EPHA8: variants seen among roughly 807,000 people sequenced by gnomAD.
EPHA8 encodes the protein EPH receptor A8.
A neutral mutation model predicts 103.6 loss-of-function variants in EPHA8; 58 were observed. That is an observed-to-expected ratio of 0.56 (90% confidence interval 0.45 to 0.70). The LOEUF is 0.70. EPHA8 is among the 30% of genes least tolerant of loss of function. The probability of loss-of-function intolerance (pLI) is 0.00; values close to 1 mark genes in which losing one functional copy is unlikely to be tolerated. For synonymous variants in EPHA8, 559 were observed against 572.5 expected, an observed-to-expected ratio of 0.98 and a Z score of 0.34; for missense variants, 1,304 against 1,395.2, an observed-to-expected ratio of 0.93 and a Z score of 1.04.
chr1:22,576,790 A>G lies in EPHA8; in HGVS notation c.733A>G (p.Met245Val). ...RHSEERDTPK[M>V]YCSAEGEWLV... Reference sequence around the variant, plus strand: ...CTCAGAGGAGCGGGACACACCCAAGATGTACTGCAGCGCGGAGGGCGAGTG... The same window carrying G: ...CTCAGAGGAGCGGGACACACCCAAGGTGTACTGCAGCGCGGAGGGCGAGTG... The change falls in exon 3 of 17, where the codon ATG becomes GTG. Residue 245 changes from methionine (M) to valine (V), a missense_variant. Physicochemically the swap from Met to Val is conservative, Grantham distance 21. Transcript: ENST00000166244. This position sits in a 1 kb window ranked among gnomAD's most constrained non-coding sequence, Gnocchi z 4.8. 2 of 1,613,610 alleles carry G rather than the reference A, an allele frequency of 1.2e-6. No individual in the cohort carries two copies. Among genetic ancestry groups the G allele is most frequent in the Non-Finnish European group, 8.5e-7 (1 of 1,179,950 alleles).
In EPHA8 at chr1:22,599,057, C is replaced by G. The variant is rs556407669; in HGVS notation, c.2388+10C>G. On this transcript the variant is annotated intron_variant, in intron 13 of 16. Transcript: ENST00000166244. ...TGCCTACACCACCACGGTGCGTCGC[C>G]CACACTCCTTCCGGCTAGACTGGGG... is the stretch of plus-strand genomic sequence containing the variant. 1.3e-6 allele frequency: 2 copies of G among 1,589,320 alleles called. No individual in the cohort carries two copies. The highest frequency in any genetic ancestry group is 1.7e-6 in the Non-Finnish European group (2 of 1,168,144).
At chr1:22,573,178 T>C (rs951354763) in intron 2 of EPHA8, among the ~76,000 whole-genome samples, 1 of 152,046 alleles carries the variant, frequency 6.6e-6, no homozygotes, top group African/African-American at 2.4e-5. Context: ...CTCTTTCAGG[T>C]GAGGCTGGCG....
intron 13 of EPHA8, among the ~76,000 whole-genome samples, chr1:22,600,320 G>A (rs1314399502): frequency 6.6e-6 from 1 of 151,306 alleles, no homozygotes; most frequent in African/African-American, 2.4e-5. Flanking sequence ...AAGAAGGGAG[G>A]AAGGAAGAAG....
At chr1:22,593,907 A>G (rs903912777) in intron 7 of EPHA8, among the ~76,000 whole-genome samples, 13 of 152,232 alleles carry the variant, frequency 8.5e-5, no homozygotes, top group African/African-American at 2.9e-4. Flanking sequence ...ATCTCAGCTC[A>G]CTGCAACCTC....
In EPHA8 at chr1:22,597,614, G is replaced by T; in HGVS notation, c.1931-62G>T. 3 of 1,554,556 alleles carry T rather than the reference G, an allele frequency of 1.9e-6. No homozygotes were observed. The highest frequency in any genetic ancestry group is 2.6e-6 in the Non-Finnish European group (3 of 1,149,044). On this transcript the variant is annotated intron_variant, in intron 10 of 16. Transcript: ENST00000166244. This position sits in a 1 kb window ranked among gnomAD's most constrained non-coding sequence, Gnocchi z 4.6. ...CCCAGGGGGTCCAAGGGCCTGGGAG[G>T]CTGGGGGAGTCTGAGGGTCCCACTG...
chr1:22,587,826 TACAC>T (rs1231949911), intron 4 of EPHA8, among the ~76,000 whole-genome samples: 1 of 152,112 alleles, frequency 6.6e-6, no homozygotes, highest in Non-Finnish European at 1.5e-5. Context: ...CTTGTGCACA[TACAC>T]ACAGACACAC....
intron 4 of EPHA8, 114 bp downstream of exon 4, chr1:22,586,749 T>C: frequency 7.6e-7 from 1 of 1,312,884 alleles, no homozygotes; most frequent in Non-Finnish European, 1.0e-6. Flanking sequence ...CAGGGGCGGG[T>C]GGCTCTCTTG....
chr1:22,591,640 C>T (rs903293245), intron 5 of EPHA8, among the ~76,000 whole-genome samples: 1 of 152,230 alleles, frequency 6.6e-6, no homozygotes, highest in African/African-American at 2.4e-5. Context: ...TGGACCCACA[C>T]AGCTTCACCC....
chr1:22,600,785 C>T lies in EPHA8; in HGVS notation c.2513C>T (p.Pro838Leu), dbSNP rs372238663. Reference sequence around the variant, plus strand: ...GAGGTGCTGGCCTATGGGGAGCGGCCCTACTGGAACATGACCAACCGGGAT... The same window carrying T: ...GAGGTGCTGGCCTATGGGGAGCGGCTCTACTGGAACATGACCAACCGGGAT... ...MWEVLAYGER[P>L]YWNMTNRDVI... The change falls in exon 14 of 17, where the codon CCC (proline) becomes CTC (leucine). Residue 838 changes from proline (P) to leucine (L), a missense_variant. Pro to Leu is a moderately conservative substitution (Grantham distance 98). Coordinates refer to ENST00000166244, the MANE Select transcript of EPHA8 (RefSeq NM_020526.5). 3.1e-6 allele frequency: 5 copies of T among 1,609,858 alleles called. No homozygotes were observed. Among genetic ancestry groups the T allele is most frequent in the Admixed American group, 1.7e-5 (1 of 59,642 alleles).
At position 22,569,607 on chromosome 1, in the gene EPHA8, C is replaced by A. The variant is rs112497402; in HGVS notation, c.159+254C>A. 5.4e-3 allele frequency among the ~76,000 whole-genome samples: 824 copies of A among 152,302 alleles called. 6 individuals carry two copies. The highest frequency in any genetic ancestry group is 0.019 in the African/African-American group (798 of 41,552). ...CTGAGGCCCTAGGTCCGGGGATCCCCATGGCTGCATCCTACAGATTCATGA... is the reference window on the plus strand; with the variant it reads ...CTGAGGCCCTAGGTCCGGGGATCCCAATGGCTGCATCCTACAGATTCATGA... On this transcript the variant is annotated intron_variant, in intron 2 of 16. Coordinates refer to ENST00000166244, the MANE Select transcript of EPHA8 (RefSeq NM_020526.5). This position sits in a 1 kb window ranked among gnomAD's most constrained non-coding sequence, Gnocchi z 4.5.
In EPHA8 at chr1:22,567,286, A is replaced by G. The variant is rs1640387229; in HGVS notation, c.95-2003A>G. Among the ~76,000 whole-genome samples, 1 of 151,954 alleles carries G rather than the reference A, an allele frequency of 6.6e-6. No homozygotes were observed. The highest frequency in any genetic ancestry group is 1.5e-5 in the Non-Finnish European group (1 of 67,952). On this transcript the variant is annotated intron_variant, in intron 1 of 16. Transcript: ENST00000166244. The surrounding 1 kb of genome is among the most constrained non-coding windows in gnomAD (Gnocchi z 4.2). Reference sequence around the variant, plus strand: ...CATACGTGTGTGTCCTTCCCTCACCATCTCCCCAAACTCGGCTTTGCTGGT... The same window carrying G: ...CATACGTGTGTGTCCTTCCCTCACCGTCTCCCCAAACTCGGCTTTGCTGGT...
chr1:22,599,658 A>AGAAG (rs1171704479), intron 13 of EPHA8, among the ~76,000 whole-genome samples: 1 of 30,078 alleles, frequency 3.3e-5, no homozygotes, highest in African/African-American at 2.2e-4. Flanking sequence ...AAGGAAGGAA[A>AGAAG]GGAGGGAGGG....
At chr1:22,590,020 G>A (rs572411580) in intron 5 of EPHA8, among the ~76,000 whole-genome samples, 2 of 152,328 alleles carry the variant, frequency 1.3e-5, no homozygotes, top group African/African-American at 2.4e-5. Context: ...ACCCAGGTCT[G>A]TGTCACTCCC....
rs190516988 is a variant in EPHA8 at position 22,570,186 on chromosome 1, T to C, written c.159+833T>C. Among the ~76,000 whole-genome samples, 15 of 152,292 alleles carry C rather than the reference T, an allele frequency of 9.8e-5. No individual in the cohort carries two copies. In the East Asian group the frequency reaches 1.7e-3, roughly 18 times the overall value. On this transcript the variant is annotated intron_variant, in intron 2 of 16. Coordinates refer to ENST00000166244, the MANE Select transcript of EPHA8 (RefSeq NM_020526.5). ...CATTAACATTGTTACTCACGTGTGT[T>C]CTCTCACACAGTTACTGTCACATGA...
chr1:22,597,254 T>G lies in EPHA8; in HGVS notation c.1766-58T>G. The G allele has an allele frequency of 1.5e-6, 2 of 1,311,242 alleles. No individual in the cohort carries two copies. The highest frequency in any genetic ancestry group is 2.1e-6 in the Non-Finnish European group (2 of 942,842). 81.2% of individuals were successfully genotyped at this position (1,311,242 alleles called of 1,614,324 possible). On this transcript the variant is annotated intron_variant, in intron 9 of 16. Transcript: ENST00000166244. The surrounding 1 kb of genome is among the most constrained non-coding windows in gnomAD (Gnocchi z 4.6). ...CCAGACCCATCCCAGGCCCAGGGAA[T>G]GTCAGGAAAAAGCAATCTCTCCTGG...
chr1:22,564,780 A>G (rs920566104), intron 1 of EPHA8, among the ~76,000 whole-genome samples: 7 of 152,070 alleles, frequency 4.6e-5, no homozygotes, highest in Non-Finnish European at 7.4e-5. Context: ...CTCTGCCCCA[A>G]GGAAGCCAGA....
intron 2 of EPHA8, among the ~76,000 whole-genome samples, chr1:22,571,125 G>T (rs182358209): frequency 9.8e-5 from 15 of 152,338 alleles, no homozygotes; most frequent in African/African-American, 3.6e-4. Context: ...GAATTGTCAG[G>T]GTTTTCAGCA....
chr1:22,577,990 CAT>C (rs1640785657), intron 3 of EPHA8, among the ~76,000 whole-genome samples: 1 of 164 alleles, frequency 6.1e-3, no homozygotes, highest in Non-Finnish European at 0.011. Context: ...TGCATGTGTG[CAT>C]GTACACCTGT....
intron 4 of EPHA8, 73 bp downstream of exon 4, chr1:22,586,708 G>A: frequency 1.2e-5 from 18 of 1,559,930 alleles, no homozygotes; most frequent in Non-Finnish European, 1.6e-5. Context: ...GGTCCTCCAG[G>A]CCTCAGAGAG....
Sources: allele counts gnomAD v4.1 joint callset (sites outside exome capture counted in the v4.1 genomes callset), GRCh38; gene constraint gnomAD v4.1.1; non-coding constraint Gnocchi (gnomAD v3.1); transcripts MANE v1.5; gene names NCBI Gene and HGNC (gene_info 2026-07-23, HGNC 2026-07-21).